CBX1: variants seen among roughly 807,000 people sequenced by gnomAD.
CBX1 encodes the protein chromobox 1.
In CBX1, 10 loss-of-function variants were observed where a neutral mutation model predicts 25.1. That is an observed-to-expected ratio of 0.40 (90% confidence interval 0.25 to 0.68). The LOEUF is 0.68. Ranked by LOEUF, CBX1 falls within the 30% of genes least tolerant of loss-of-function variation. CBX1 has a pLI of 0.40. For missense variants in CBX1, 106 were observed against 218.5 expected (o/e 0.49, Z 3.25); for synonymous variants, 63 against 79.4 (o/e 0.79, Z 1.10).
At chr17:48,075,654 T>A (rs1191495658) in intron 3 of CBX1, among the ~76,000 whole-genome samples, 1 of 124,390 alleles carries the variant, frequency 8.0e-6, no homozygotes, top group Non-Finnish European at 1.8e-5. Flanking sequence ...TTTACAACTA[T>A]CTCTTCACTC....
intron 1 of CBX1, among the ~76,000 whole-genome samples, chr17:48,092,440 C>T (rs2063349349): frequency 7.1e-6 from 1 of 141,600 alleles, no homozygotes; most frequent in East Asian, 2.2e-4. Flanking sequence ...CTGGGCAACA[C>T]AGCAAGACTC....
intron 1 of CBX1, among the ~76,000 whole-genome samples, chr17:48,079,231 G>T (rs2037709208): frequency 6.6e-6 from 1 of 152,146 alleles, no homozygotes; most frequent in Non-Finnish European, 1.5e-5. Context: ...TCAGCCTCCT[G>T]AGTAGCTGGG....
At chr17:48,089,427 C>T (rs901099922) in intron 1 of CBX1, among the ~76,000 whole-genome samples, 1 of 135,216 alleles carries the variant, frequency 7.4e-6, no homozygotes, top group Admixed American at 7.6e-5. Flanking sequence ...CAAAGCTCCA[C>T]AGGTGATTTT....
intron 1 of CBX1, among the ~76,000 whole-genome samples, chr17:48,098,974 A>C (rs970451404): frequency 6.6e-6 from 1 of 152,240 alleles, no homozygotes. Context: ...CTTTCTTTAG[A>C]GGTATAGTTT....
chr17:48,089,816 T>G (rs1016148188), intron 1 of CBX1, among the ~76,000 whole-genome samples: 35 of 151,494 alleles, frequency 2.3e-4, no homozygotes, highest in African/African-American at 8.5e-4. Context: ...AGAGTGAAAC[T>G]CTGTCTCTAA....
intron 1 of CBX1, among the ~76,000 whole-genome samples, chr17:48,090,047 G>C (rs1047496716): frequency 1.3e-5 from 2 of 150,984 alleles, no homozygotes; most frequent in Non-Finnish European, 3.0e-5. Context: ...CAGCCTTCCA[G>C]GGCGTGCACC....
chr17:48,085,206 C>T (rs1455471660), intron 1 of CBX1, among the ~76,000 whole-genome samples: 2 of 152,180 alleles, frequency 1.3e-5, no homozygotes, highest in African/African-American at 4.8e-5. Context: ...TTACAAAGTG[C>T]TACCACATTA....
intron 1 of CBX1, among the ~76,000 whole-genome samples, chr17:48,083,429 C>T (rs774611960): frequency 8.6e-5 from 13 of 150,564 alleles, no homozygotes; most frequent in Non-Finnish European, 1.6e-4. Flanking sequence ...AAATCCAGTC[C>T]TACTTAATTT....
chr17:48,071,867 ACT>A (rs1221480861), intron 4 of CBX1, among the ~76,000 whole-genome samples: 1 of 151,806 alleles, frequency 6.6e-6, no homozygotes, highest in African/African-American at 2.4e-5. Context: ...AAAAAGCATG[ACT>A]CTCTAGATTC....
intron 1 of CBX1, among the ~76,000 whole-genome samples, chr17:48,094,113 T>TC (rs2063359348): frequency 7.7e-5 from 1 of 13,070 alleles, no homozygotes; most frequent in Non-Finnish European, 1.7e-4. Flanking sequence ...AAACTCTGTC[T>TC]CAAAAAAAAA....
At chr17:48,097,516 C>T (rs1434614109) in intron 1 of CBX1, among the ~76,000 whole-genome samples, 2 of 150,656 alleles carry the variant, frequency 1.3e-5, no homozygotes, top group Non-Finnish European at 2.9e-5. Flanking sequence ...ACTCCGGAGG[C>T]TGAAGCAGGA....
In CBX1 at chr17:48,071,462, A is replaced by G; in HGVS notation, c.531T>C (p.Asp177=). ...RLTWHSYPSE[D]DDKKDDKN is the part of the protein sequence containing the mutation. ...AGTTCTTGTCATCTTTTTTGTCATC[A>G]TCCTCCGAGGGGTAGGAATGCCACG... The change falls in exon 5 of 5, where the codon GAT becomes GAC. Residue 177 remains aspartate (D), a synonymous_variant. Transcript: ENST00000225603. 1 of 1,611,850 alleles carries G rather than the reference A, an allele frequency of 6.2e-7. No individual in the cohort carries two copies.
At chr17:48,091,004 A>G (rs2063341218) in intron 1 of CBX1, among the ~76,000 whole-genome samples, 1 of 152,250 alleles carries the variant, frequency 6.6e-6, no homozygotes, top group Non-Finnish European at 1.5e-5. Flanking sequence ...AGAAAATATT[A>G]CTGATAAATG....
intron 4 of CBX1, 193 bp downstream of exon 4, chr17:48,074,804 ACCCAAGATT>A (rs2037658897): frequency 1.9e-6 from 1 of 524,980 alleles, no homozygotes; most frequent in Admixed American, 3.2e-5. Context: ...ATGGGCAAAG[ACCCAAGATT>A]CCTAAGGGCT....
At chr17:48,076,522 T>C (rs2037675808) in intron 2 of CBX1, among the ~76,000 whole-genome samples, 1 of 152,022 alleles carries the variant, frequency 6.6e-6, no homozygotes. Context: ...CCTGGGCAAC[T>C]AAGCGAGACA....
In CBX1 at chr17:48,071,525, G is replaced by A; in HGVS notation, c.468C>T (p.Cys156=). ...CATAGAAGGATATGACAACCTGTGG[G>A]CACTTGACATTGGCTTCCTTGGCAG... ...LVPAKEANVK[C]PQVVISFYEE... is the part of the protein sequence containing the mutation. The change falls in exon 5 of 5, where the codon TGC becomes TGT. Residue 156 remains cysteine, a synonymous_variant. Coordinates refer to ENST00000225603, the MANE Select transcript of CBX1 (RefSeq NM_001127228.2). 2 of 1,613,504 alleles carry A rather than the reference G, an allele frequency of 1.2e-6. No individual in the cohort carries two copies. Among genetic ancestry groups the A allele is most frequent in the Non-Finnish European group, 1.7e-6 (2 of 1,179,570 alleles).
At chr17:48,080,135 C>CA (rs2037716747) in intron 1 of CBX1, among the ~76,000 whole-genome samples, 1 of 152,062 alleles carries the variant, frequency 6.6e-6, no homozygotes, top group Non-Finnish European at 1.5e-5. Context: ...CTCTAGGGTT[C>CA]AAGTGATTCT....
intron 1 of CBX1, among the ~76,000 whole-genome samples, chr17:48,086,157 A>T (rs920741091): frequency 6.6e-6 from 1 of 152,238 alleles, no homozygotes; most frequent in African/African-American, 2.4e-5. Flanking sequence ...CTGAATCAAG[A>T]GTAATTAATT....
chr17:48,101,385 T>A lies in CBX1; in HGVS notation c.-155A>T. The stretch of plus-strand genomic sequence containing the variant: ...AGCAAGCCGGGTGGCCGCAGTGGCG[T>A]CCCTCACTGAAGCGGCGTACCGCAG... On this transcript the variant is annotated 5_prime_UTR_variant, in exon 1 of 5. Transcript: ENST00000225603. 2 of 985,606 alleles carry A rather than the reference T, an allele frequency of 2.0e-6. No individual in the cohort carries two copies. The highest frequency in any genetic ancestry group is 2.4e-6 in the Non-Finnish European group (2 of 830,058). The allele number at this position is 985,606 out of a possible 1,614,324, so 61.1% of individuals were successfully genotyped here.
Sources: gnomAD v4.1 joint callset for allele counts (sites outside exome capture counted in the v4.1 genomes callset) on GRCh38, gnomAD v4.1.1 for gene constraint, MANE v1.5 for transcripts, NCBI Gene and HGNC (gene_info 2026-07-23, HGNC 2026-07-21) for gene names.